ROCK2: variants seen among roughly 807,000 people sequenced by gnomAD.
The protein encoded by ROCK2 is rho-associated protein kinase 2.
In ROCK2, 61 loss-of-function variants were observed where a neutral mutation model predicts 195.1. The ratio of observed to expected loss-of-function variants is 0.31; its 90% CI spans 0.25 to 0.39. The LOEUF (loss-of-function observed/expected upper bound fraction) is 0.39. Among genes scored for constraint, ROCK2 ranks in the 10% least tolerant of loss-of-function variants. The probability of loss-of-function intolerance (pLI) is 1.00; values close to 1 mark genes in which losing one functional copy is unlikely to be tolerated. For synonymous variants in ROCK2, 504 were observed against 545.5 expected (o/e 0.92, Z 1.06); for missense variants, 1,109 against 1,637.4 (o/e 0.68, Z 5.57).
intron 32 of ROCK2, among the ~76,000 whole-genome samples, chr2:11,183,843 A>G (rs1033889189): frequency 1.4e-4 from 22 of 152,236 alleles, no homozygotes; most frequent in African/African-American, 5.3e-4. Context: ...TTCAACCCTA[A>G]GCCACATTTT....
At chr2:11,277,372 G>A (rs1466447708) in intron 3 of ROCK2, among the ~76,000 whole-genome samples, 1 of 152,114 alleles carries the variant, frequency 6.6e-6, no homozygotes, top group Non-Finnish European at 1.5e-5. Context: ...TACAGGTGGT[G>A]TTTAGTTACA....
chr2:11,248,353 T>C (rs530004701), intron 4 of ROCK2, among the ~76,000 whole-genome samples: 40 of 152,058 alleles, frequency 2.6e-4, no homozygotes, highest in Middle Eastern at 6.8e-3. Flanking sequence ...TGTCTGCAGA[T>C]TTACTTACTA....
chr2:11,225,614 G>C (rs1338874022), intron 6 of ROCK2, among the ~76,000 whole-genome samples: 2 of 151,976 alleles, frequency 1.3e-5, no homozygotes, highest in Non-Finnish European at 2.9e-5. Context: ...AGCTGAGCTA[G>C]CACCACCCAG....
At chr2:11,342,975 T>C (rs1156564711) in intron 1 of ROCK2, among the ~76,000 whole-genome samples, 3 of 152,242 alleles carry the variant, frequency 2.0e-5, no homozygotes, top group Non-Finnish European at 4.4e-5. Flanking sequence ...GCAGTTTTTC[T>C]CATCATACAG....
chr2:11,335,886 C>G (rs1264421369), intron 1 of ROCK2, among the ~76,000 whole-genome samples: 1 of 152,098 alleles, frequency 6.6e-6, no homozygotes, highest in Non-Finnish European at 1.5e-5. Context: ...TAAACATGAC[C>G]ACTAAGCCAG....
At chr2:11,343,933 G>A (rs1669193776) in intron 1 of ROCK2, 63 bp downstream of exon 1, 2 of 1,533,836 alleles carry the variant, frequency 1.3e-6, no homozygotes, top group Non-Finnish European at 1.8e-6. Context: ...ACGGAGGGCT[G>A]GGCGGAGAGG....
In ROCK2 at chr2:11,180,022, TC is replaced by T. The variant is rs1171944400; in HGVS notation, c.*3414del. 1.3e-5 allele frequency: 2 copies of T among 151,766 alleles called. No individual in the cohort carries two copies. The highest frequency in any genetic ancestry group is 2.4e-5 in the African/African-American group (1 of 41,390). 9.4% of individuals were successfully genotyped at this position (151,766 alleles called of 1,614,324 possible). A position where few individuals can be genotyped will look rare whatever the true frequency, so the allele number is the denominator to read the frequency against. On this transcript the variant is annotated 3_prime_UTR_variant, in exon 33 of 33. Coordinates refer to ENST00000315872, the MANE Select transcript of ROCK2 (RefSeq NM_004850.5). The stretch of plus-strand genomic sequence containing the variant: ...CCCCCAAGCATGATATCCAGCGCTG[TC>T]ACACAGTGCTTATGTTCAAAGTGCT...
intron 4 of ROCK2, among the ~76,000 whole-genome samples, chr2:11,246,706 TC>T (rs1272401155): frequency 6.6e-6 from 1 of 152,158 alleles, no homozygotes; most frequent in Non-Finnish European, 1.5e-5. Context: ...AAGTGATATT[TC>T]TAACAAAAGT....
intron 1 of ROCK2, among the ~76,000 whole-genome samples, chr2:11,314,463 A>G (rs991751861): frequency 1.3e-5 from 2 of 151,898 alleles, no homozygotes; most frequent in Non-Finnish European, 2.9e-5. Context: ...GTACCAACAT[A>G]TTACAATTTC....
At chr2:11,207,696 A>G in intron 20 of ROCK2, 30 bp downstream of exon 20, 1 of 1,532,484 alleles carries the variant, frequency 6.5e-7, no homozygotes, top group Non-Finnish European at 8.9e-7. Context: ...ATAATTATGC[A>G]TATTAAAACA....
intron 32 of ROCK2, chr2:11,184,695 T>TC (rs1346833136): frequency 3.0e-6 from 3 of 983,960 alleles, no homozygotes; most frequent in East Asian, 2.3e-4. Context: ...ATCAAAAACA[T>TC]CGTCATCATC....
At chr2:11,207,679 T>C (rs1184134178) in intron 20 of ROCK2, 47 bp downstream of exon 20, 3 of 1,425,388 alleles carry the variant, frequency 2.1e-6, no homozygotes, top group Non-Finnish European at 1.9e-6. Context: ...AATTAACTTA[T>C]ACATGGATAA....
chr2:11,334,974 A>G (rs568587019), intron 1 of ROCK2, among the ~76,000 whole-genome samples: 23 of 152,296 alleles, frequency 1.5e-4, no homozygotes, highest in Admixed American at 5.2e-4. Flanking sequence ...AGCACTTTAG[A>G]TATCTGAACA....
chr2:11,249,563 G>T lies in ROCK2; in HGVS notation c.462+98C>A, dbSNP rs1665754696. 5.2e-6 allele frequency: 5 copies of T among 953,500 alleles called. No homozygotes were observed. In the Admixed American group the frequency reaches 9.2e-5, roughly 18 times the overall value. The allele number at this position is 953,500 out of a possible 1,614,324, so 59.1% of individuals were successfully genotyped here. A position where few individuals can be genotyped will look rare whatever the true frequency, so the allele number is the denominator to read the frequency against. On this transcript the variant is annotated intron_variant, in intron 4 of 32. Coordinates refer to ENST00000315872, the MANE Select transcript of ROCK2 (RefSeq NM_004850.5). ...CTAAAAATAACTGCACTGTTACCAT[G>T]TAAATGAAGCATAAGACTTGGCACA...
At chr2:11,205,195 G>C (rs1331495297) in intron 20 of ROCK2, among the ~76,000 whole-genome samples, 1 of 152,158 alleles carries the variant, frequency 6.6e-6, no homozygotes, top group East Asian at 1.9e-4. Flanking sequence ...AACCTTAGTG[G>C]TGGGAGGTGC....
Position 11,255,216 on chromosome 2 carries a change from C to CA in ROCK2, c.325-5419dup, listed in dbSNP as rs70953375. On this transcript the variant is annotated intron_variant, in intron 3 of 32. Transcript: ENST00000315872. ...TGGGGGAAAGAGCGAGACCCCATCT[C>CA]AAAAAAAAAAAAAAAAAAAAACTTG... 1.7e-3 allele frequency among the ~76,000 whole-genome samples: 184 copies of CA among 109,156 alleles called. 1 individual carries two copies. Among genetic ancestry groups the CA allele is most frequent in the South Asian group, 4.5e-3 (15 of 3,342 alleles). 71.6% of individuals were successfully genotyped at this position (109,156 alleles called of 152,430 possible). A position where few individuals can be genotyped will look rare whatever the true frequency, so the allele number is the denominator to read the frequency against.
chr2:11,259,575 A>G (rs1296188289), intron 3 of ROCK2, among the ~76,000 whole-genome samples: 1 of 151,296 alleles, frequency 6.6e-6, no homozygotes, highest in Non-Finnish European at 1.5e-5. Flanking sequence ...GTATCATAAT[A>G]CCCATCATAA....
chr2:11,296,005 G>GGA (rs70953384), intron 1 of ROCK2, among the ~76,000 whole-genome samples: 375 of 10,326 alleles, frequency 0.036, 35 homozygotes, highest in Non-Finnish European at 0.055. Flanking sequence ...GAGAGAGAGA[G>GGA]GAGAGAGAGA....
upstream of ROCK2, among the ~76,000 whole-genome samples, chr2:11,344,938 CCCG>C (rs147785212): frequency 0.39 from 58,377 of 149,878 alleles, 13,084 homozygotes; most frequent in Admixed American, 0.52. This position sits in a 1 kb window ranked among gnomAD's most constrained non-coding sequence, Gnocchi z 5.4. Context: ...CCCTGCCCCT[CCCG>C]CCGGACCCCG....
Sources: gnomAD v4.1 joint callset for allele counts (sites outside exome capture counted in the v4.1 genomes callset) on GRCh38, gnomAD v4.1.1 for gene constraint, Gnocchi (gnomAD v3.1) non-coding constraint, MANE v1.5 for transcripts, NCBI Gene and HGNC (gene_info 2026-07-23, HGNC 2026-07-21) for gene names.